CFAP276: variants seen among roughly 807,000 people sequenced by gnomAD.
CFAP276 encodes cilia and flagella associated protein 276.
At chr1:109,107,983 G>A in the CFAP276 span, 18 of 1,613,708 alleles carry the variant, frequency 1.1e-5, no homozygotes, top group African/African-American at 1.3e-4. Flanking sequence ...GAGTTGAGCC[G>A]ACTCCAGGGT....
the CFAP276 span, among the ~76,000 whole-genome samples, chr1:109,109,740 T>G: frequency 1.3e-5 from 2 of 151,824 alleles, no homozygotes; most frequent in Non-Finnish European, 2.9e-5. Context: ...CTTCACCACA[T>G]TGGCCAGACT....
the CFAP276 span, chr1:109,106,757 C>T: frequency 7.2e-7 from 1 of 1,387,500 alleles, no homozygotes; most frequent in South Asian, 1.4e-5. Context: ...AATAAAGCAG[C>T]CAAAGACTCT....
the CFAP276 span, chr1:109,106,618 G>A: frequency 6.2e-7 from 1 of 1,613,974 alleles, no homozygotes; most frequent in South Asian, 1.1e-5. Context: ...GATGGGTGGA[G>A]TGGGAGGGGT....
chr1:109,111,185 G>A, the CFAP276 span, among the ~76,000 whole-genome samples: 1 of 152,110 alleles, frequency 6.6e-6, no homozygotes, highest in Non-Finnish European at 1.5e-5. Context: ...CCTGCTATGG[G>A]GCTGGGACCC....
the CFAP276 span, chr1:109,108,064 C>T: frequency 2.7e-6 from 4 of 1,474,410 alleles, no homozygotes; most frequent in Non-Finnish European, 3.8e-6. Flanking sequence ...GTATCCAGGA[C>T]AACCTGGTTA....
chr1:109,112,624 T>C, the CFAP276 span: 3 of 1,550,480 alleles, frequency 1.9e-6, no homozygotes, highest in East Asian at 2.4e-5. Flanking sequence ...TTCTCCTAAG[T>C]AGGAATCATC....
chr1:109,106,617 A>T, the CFAP276 span: 2 of 1,613,892 alleles, frequency 1.2e-6, no homozygotes, highest in South Asian at 2.2e-5. Flanking sequence ...TGATGGGTGG[A>T]GTGGGAGGGG....
the CFAP276 span, chr1:109,113,572 C>T: frequency 2.6e-6 from 4 of 1,563,052 alleles, no homozygotes; most frequent in Non-Finnish European, 3.5e-6. Flanking sequence ...TGTAAAAGCA[C>T]GGATGGATTT....
the CFAP276 span, chr1:109,106,237 G>T: frequency 1.3e-6 from 1 of 784,442 alleles, no homozygotes; most frequent in Non-Finnish European, 2.1e-6. Flanking sequence ...ATGGAGGACT[G>T]ATGGGAGGTA....
chr1:109,112,053 C>T, the CFAP276 span, among the ~76,000 whole-genome samples: 1 of 152,316 alleles, frequency 6.6e-6, no homozygotes, highest in African/African-American at 2.4e-5. Context: ...ACAATCACCA[C>T]TTAATTCATC....
At chr1:109,110,607 C>T in the CFAP276 span, among the ~76,000 whole-genome samples, 1 of 152,328 alleles carries the variant, frequency 6.6e-6, no homozygotes, top group African/African-American at 2.4e-5. Flanking sequence ...TTAGGCAGTG[C>T]TATTCTCCAA....
chr1:109,112,434 C>T, the CFAP276 span, among the ~76,000 whole-genome samples: 1 of 152,160 alleles, frequency 6.6e-6, no homozygotes, highest in Non-Finnish European at 1.5e-5. Context: ...GAAACGTTAG[C>T]CGACTTGAAT....
the CFAP276 span, among the ~76,000 whole-genome samples, chr1:109,113,416 A>AGAGAGAGAGACCCTGTCAGAGAG: frequency 1.5e-5 from 1 of 68,040 alleles, no homozygotes; most frequent in African/African-American, 8.3e-5. Context: ...GAGAGAGAGA[A>AGAGAGAGAGACCCTGTCAGAGAG]AGAGAGAGAG....
the CFAP276 span, chr1:109,112,839 G>A: frequency 8.1e-7 from 1 of 1,241,212 alleles, no homozygotes; most frequent in Admixed American, 3.1e-5. Flanking sequence ...TCAGAGGAGG[G>A]CGCCACCTGG....
chr1:109,107,825 C>T, the CFAP276 span: 1 of 1,012,822 alleles, frequency 9.9e-7, no homozygotes, highest in Non-Finnish European at 1.5e-6. Context: ...CTACGGTAAA[C>T]CATGATCAGG....
the CFAP276 span, among the ~76,000 whole-genome samples, chr1:109,113,044 C>T: frequency 2.0e-4 from 30 of 152,264 alleles, no homozygotes; most frequent in East Asian, 4.4e-3. Context: ...ATTTCCTTCT[C>T]CCTCGCACCT....
chr1:109,107,818 C>T, the CFAP276 span: 115 of 928,392 alleles, frequency 1.2e-4, no homozygotes, highest in African/African-American at 2.0e-4. Flanking sequence ...GTTCAGGCTA[C>T]GGTAAACCAT....
the CFAP276 span, among the ~76,000 whole-genome samples, chr1:109,110,712 G>A: frequency 6.6e-6 from 1 of 152,082 alleles, no homozygotes; most frequent in Non-Finnish European, 1.5e-5. Context: ...TAGCTCATAC[G>A]GATACACAGC....
the CFAP276 span, among the ~76,000 whole-genome samples, chr1:109,109,440 C>G: frequency 6.7e-6 from 1 of 150,348 alleles, no homozygotes; most frequent in Non-Finnish European, 1.5e-5. Context: ...AAGAGTGGGA[C>G]TCTGTCTCAA....
Sources: gnomAD v4.1 joint callset for allele counts (sites outside exome capture counted in the v4.1 genomes callset) on GRCh38, gnomAD v4.1.1 for gene constraint, MANE v1.5 for transcripts, NCBI Gene and HGNC (gene_info 2026-07-23, HGNC 2026-07-21) for gene names.